ZRANB3: variants seen among roughly 807,000 people sequenced by gnomAD.
ZRANB3 encodes the protein DNA annealing helicase and endonuclease ZRANB3.
A neutral mutation model predicts 133.8 loss-of-function variants in ZRANB3; 125 were observed. That is an observed-to-expected ratio of 0.93 (90% CI 0.81 to 1.08). The LOEUF (loss-of-function observed/expected upper bound fraction) is 1.08, where lower values mean the gene tolerates loss of function less well. ZRANB3 is among the 50% of genes least tolerant of loss of function. ZRANB3 has a pLI of 0.00. For missense variants in ZRANB3, 1,229 were observed against 1,275.5 expected, an observed-to-expected ratio of 0.96 and a Z score of 0.56; for synonymous variants, 387 against 432.7, an observed-to-expected ratio of 0.89 and a Z score of 1.31.
At chr2:135,409,022 G>T (rs1033158372) in intron 2 of ZRANB3, among the ~76,000 whole-genome samples, 5 of 151,978 alleles carry the variant, frequency 3.3e-5, no homozygotes, top group Non-Finnish European at 5.9e-5. Flanking sequence ...ATAAAGAAAA[G>T]CAGTTTAGTT....
At chr2:135,414,818 C>A (rs1181914408) in intron 2 of ZRANB3, among the ~76,000 whole-genome samples, 3 of 152,130 alleles carry the variant, frequency 2.0e-5, no homozygotes, top group African/African-American at 7.2e-5. Flanking sequence ...AACTGCTCAA[C>A]TACATGGAAA....
At chr2:135,445,875 CAA>C (rs60336414) in intron 2 of ZRANB3, among the ~76,000 whole-genome samples, 24,241 of 95,372 alleles carry the variant, frequency 0.25, 3,343 homozygotes, top group African/African-American at 0.42. Context: ...GACTCCATCT[CAA>C]AAAAAAAAAA....
chr2:135,386,645 T>C (rs1166552317), intron 3 of ZRANB3, among the ~76,000 whole-genome samples: 1 of 152,164 alleles, frequency 6.6e-6, no homozygotes, highest in Non-Finnish European at 1.5e-5. Context: ...ATATACACCA[T>C]GGAATGCTAT....
intron 3 of ZRANB3, among the ~76,000 whole-genome samples, chr2:135,364,813 G>A (rs1430348283): frequency 6.6e-6 from 1 of 152,044 alleles, no homozygotes; most frequent in African/African-American, 2.4e-5. Context: ...CACTTTGGGA[G>A]GCCGAGGCGG....
intron 2 of ZRANB3, among the ~76,000 whole-genome samples, chr2:135,493,138 T>A (rs1359681701): frequency 3.0e-4 from 15 of 50,010 alleles, no homozygotes; most frequent in South Asian, 1.8e-3. Context: ...TATATATATA[T>A]ATATATATAT....
At chr2:135,263,395 C>A (rs533740645) in intron 12 of ZRANB3, among the ~76,000 whole-genome samples, 1 of 152,050 alleles carries the variant, frequency 6.6e-6, no homozygotes, top group Admixed American at 6.6e-5. Flanking sequence ...TAAAAAATGA[C>A]GCAGTAAAGA....
At chr2:135,479,571 C>T (rs1464519537) in intron 2 of ZRANB3, among the ~76,000 whole-genome samples, 2 of 151,942 alleles carry the variant, frequency 1.3e-5, no homozygotes, top group African/African-American at 4.8e-5. Flanking sequence ...AAGGCTGAGG[C>T]GAGAGAATCG....
At chr2:135,308,358 T>A (rs1423031738) in intron 8 of ZRANB3, among the ~76,000 whole-genome samples, 29 of 152,160 alleles carry the variant, frequency 1.9e-4, no homozygotes, top group Admixed American at 1.9e-3. Flanking sequence ...GAGGGGGTAC[T>A]CTGCCTCTTC....
chr2:135,477,066 A>G (rs907384764), intron 2 of ZRANB3, among the ~76,000 whole-genome samples: 24 of 151,976 alleles, frequency 1.6e-4, no homozygotes, highest in African/African-American at 4.6e-4. Flanking sequence ...AACTCTTATC[A>G]TATTTGCTTA....
rs112190565 is a variant in ZRANB3 at position 135,478,359 on chromosome 2, G to C, written c.161+25970C>G. ...AGCATACCAATGTAAATAGCACCAA[G>C]TTAAAGAAACAGAATATTATCAGCA... is the stretch of plus-strand genomic sequence containing the variant. On this transcript the variant is annotated intron_variant, in intron 2 of 20. Transcript: ENST00000264159. Among the ~76,000 whole-genome samples, 447 of 152,112 alleles carry C rather than the reference G, an allele frequency of 2.9e-3. 3 individuals carry two copies. Among genetic ancestry groups the C allele is most frequent in the African/African-American group, 0.01 (416 of 41,484 alleles).
intron 2 of ZRANB3, among the ~76,000 whole-genome samples, chr2:135,478,604 G>T (rs954133259): frequency 1.3e-5 from 2 of 152,014 alleles, no homozygotes; most frequent in Non-Finnish European, 2.9e-5. Context: ...TTTTATGGCT[G>T]GTTTCTTTCA....
intron 2 of ZRANB3, among the ~76,000 whole-genome samples, chr2:135,408,550 C>A (rs1172357050): frequency 1.3e-5 from 2 of 152,158 alleles, no homozygotes; most frequent in Non-Finnish European, 2.9e-5. Context: ...GCACTATTCA[C>A]AATAGCAAAG....
rs148573676 is a variant in ZRANB3, at chr2:135,291,148, C to A, written c.967-15393G>T. ...AAGTGCTGGGAATACAGGCGTGAGC[C>A]ACTGCGCCTGGCCCGGGAACACCAA... On this transcript the variant is annotated intron_variant, in intron 8 of 20. Transcript: ENST00000264159. 4.2e-3 allele frequency among the ~76,000 whole-genome samples: 637 copies of A among 152,046 alleles called. 7 individuals are homozygous for A. The highest frequency in any genetic ancestry group is 0.015 in the African/African-American group (603 of 41,448).
At chr2:135,265,958 C>A (rs1680222898) in intron 11 of ZRANB3, among the ~76,000 whole-genome samples, 1 of 152,084 alleles carries the variant, frequency 6.6e-6, no homozygotes, top group African/African-American at 2.4e-5. Context: ...GCCTGTAATC[C>A]CAGTACTTTG....
chr2:135,260,823 A>G (rs1289948229), intron 12 of ZRANB3, among the ~76,000 whole-genome samples: 1 of 145,212 alleles, frequency 6.9e-6, no homozygotes, highest in Non-Finnish European at 1.5e-5. Flanking sequence ...TATATATACT[A>G]TATATTCTAT....
rs1254946271 is a variant in ZRANB3 at position 135,305,482 on chromosome 2, T to C, written c.966+8007A>G. Among the ~76,000 whole-genome samples, 4 of 152,354 alleles carry C rather than the reference T, an allele frequency of 2.6e-5. No homozygotes were observed. The East Asian group carries it at 7.7e-4, about 29-fold the overall frequency. On this transcript the variant is annotated intron_variant, in intron 8 of 20. Coordinates refer to ENST00000264159, the MANE Select transcript of ZRANB3 (RefSeq NM_032143.4). ...CAGTCTGTATCTTTAAAGTGAATAA[T>C]TCAATCCATTAACATTTAACGTTAT...
At chr2:135,339,922 G>A (rs1325404023) in intron 6 of ZRANB3, among the ~76,000 whole-genome samples, 1 of 151,920 alleles carries the variant, frequency 6.6e-6, no homozygotes, top group East Asian at 1.9e-4. Context: ...TTTTCTAGAA[G>A]GGTGACACCT....
chr2:135,407,244 AC>A (rs1250471169), intron 2 of ZRANB3, among the ~76,000 whole-genome samples: 1 of 150,776 alleles, frequency 6.6e-6, no homozygotes, highest in African/African-American at 2.5e-5. Context: ...AGAATAAAAT[AC>A]CTAGGAATCC....
intron 3 of ZRANB3, among the ~76,000 whole-genome samples, chr2:135,356,020 T>A (rs1011594204): frequency 6.6e-6 from 1 of 152,176 alleles, no homozygotes; most frequent in Non-Finnish European, 1.5e-5. Flanking sequence ...CATGTATGAC[T>A]AACAATGTTC....
Sources: gnomAD v4.1 joint callset for allele counts (sites outside exome capture counted in the v4.1 genomes callset) on GRCh38, gnomAD v4.1.1 for gene constraint, MANE v1.5 for transcripts, NCBI Gene and HGNC (gene_info 2026-07-23, HGNC 2026-07-21) for gene names.